RANBP2: variants seen among roughly 807,000 people sequenced by gnomAD.
The protein encoded by RANBP2 is E3 SUMO-protein ligase RanBP2.
In RANBP2, 57 loss-of-function variants were observed where a neutral mutation model predicts 303.6. The observed-to-expected ratio is 0.19, with a 90% CI of 0.15 to 0.23. The LOEUF (loss-of-function observed/expected upper bound fraction) is 0.23. Among genes scored for constraint, RANBP2 ranks in the 10% least tolerant of loss-of-function variants. The pLI is 1.00. For synonymous variants in RANBP2, 1,167 were observed against 1,301.5 expected (o/e 0.90, Z 2.23); for missense variants, 3,138 against 3,780.8 (o/e 0.83, Z 4.46).
the RANBP2 span, among the ~76,000 whole-genome samples, chr2:109,209,883 G>A: frequency 1.3e-5 from 2 of 152,100 alleles, no homozygotes; most frequent in Admixed American, 6.6e-5. Flanking sequence ...CAGTTCAGTG[G>A]CATTAAGTAC....
the RANBP2 span, among the ~76,000 whole-genome samples, chr2:109,195,445 A>G: frequency 1.3e-5 from 2 of 152,344 alleles, no homozygotes; most frequent in East Asian, 3.9e-4. Context: ...CTGAGTGTCA[A>G]CTGTCGAGTG....
chr2:109,276,639 C>T, the RANBP2 span, among the ~76,000 whole-genome samples: 5 of 152,164 alleles, frequency 3.3e-5, no homozygotes, highest in African/African-American at 7.2e-5. Flanking sequence ...TGGGCTAAGG[C>T]GCTGGACAAA....
At chr2:109,544,230 A>G in the RANBP2 span, 2 of 1,612,010 alleles carry the variant, frequency 1.2e-6, no homozygotes, top group Non-Finnish European at 1.7e-6. Flanking sequence ...AAATAACAGC[A>G]AAATCAAAGC....
chr2:109,646,731 C>T, the RANBP2 span, among the ~76,000 whole-genome samples: 1 of 148,582 alleles, frequency 6.7e-6, no homozygotes, highest in Non-Finnish European at 1.5e-5. Context: ...GTCTTGAACT[C>T]CTGACCTCAA....
At chr2:108,936,490 C>A in the RANBP2 span, among the ~76,000 whole-genome samples, 1 of 152,158 alleles carries the variant, frequency 6.6e-6, no homozygotes, top group East Asian at 1.9e-4. Context: ...GGGCTCCCTG[C>A]CCACCCAGCG....
the RANBP2 span, chr2:109,552,403 A>G: frequency 6.6e-6 from 1 of 152,238 alleles, no homozygotes; most frequent in Non-Finnish European, 1.5e-5. Flanking sequence ...AGCCATAGTA[A>G]AAATGTTTAT....
chr2:109,205,465 G>T, the RANBP2 span, among the ~76,000 whole-genome samples: 1 of 152,048 alleles, frequency 6.6e-6, no homozygotes, highest in Admixed American at 6.6e-5. Context: ...GGCCAGGCTG[G>T]TCTTGAACTC....
the RANBP2 span, among the ~76,000 whole-genome samples, chr2:108,828,167 A>G: frequency 6.6e-6 from 1 of 152,202 alleles, no homozygotes. Context: ...ACCAAAATAT[A>G]TTGTAGATAA....
the RANBP2 span, chr2:108,882,920 T>G: frequency 6.6e-6 from 1 of 151,994 alleles, no homozygotes; most frequent in Non-Finnish European, 1.5e-5. Flanking sequence ...AGACCTTGTC[T>G]TCTTTATATA....
the RANBP2 span, among the ~76,000 whole-genome samples, chr2:109,671,834 T>G: frequency 2.6e-5 from 4 of 152,172 alleles, no homozygotes; most frequent in Non-Finnish European, 4.4e-5. Context: ...CTTGGACTTT[T>G]TCAAATTTCA....
the RANBP2 span, among the ~76,000 whole-genome samples, chr2:109,640,664 A>G: frequency 6.6e-6 from 1 of 152,248 alleles, no homozygotes; most frequent in East Asian, 1.9e-4. Context: ...AGCTCCGGAC[A>G]GTGCCTTCCA....
At chr2:109,677,934 C>T in the RANBP2 span, among the ~76,000 whole-genome samples, 13 of 152,186 alleles carry the variant, frequency 8.5e-5, no homozygotes, top group African/African-American at 2.9e-4. Context: ...GATTTGTAGG[C>T]GCTCAAGAAG....
chr2:109,200,630 C>T, the RANBP2 span, among the ~76,000 whole-genome samples: 69 of 152,260 alleles, frequency 4.5e-4, 1 homozygote, highest in Non-Finnish European at 7.8e-4. Flanking sequence ...GAGCTTGTCC[C>T]AGCAGCCTGC....
the RANBP2 span, among the ~76,000 whole-genome samples, chr2:108,940,733 C>G: frequency 6.6e-6 from 1 of 152,244 alleles, no homozygotes. Flanking sequence ...ACGGGGCAGG[C>G]TTCCAGGGGC....
chr2:109,001,800 G>A, the RANBP2 span, among the ~76,000 whole-genome samples: 137 of 152,158 alleles, frequency 9.0e-4, no homozygotes, highest in African/African-American at 2.5e-3. Flanking sequence ...GCGCAATCTC[G>A]GCTCACTGCA....
At chr2:109,170,346 CCTTT>C in the RANBP2 span, among the ~76,000 whole-genome samples, 36 of 148,552 alleles carry the variant, frequency 2.4e-4, no homozygotes, top group Admixed American at 1.8e-3. Flanking sequence ...CTCTCTCTTT[CCTTT>C]CTTTCTTTCT....
chr2:109,508,585 G>A, the RANBP2 span, among the ~76,000 whole-genome samples: 1 of 151,386 alleles, frequency 6.6e-6, no homozygotes, highest in Admixed American at 6.6e-5. Flanking sequence ...CAAATGTGAA[G>A]AAAGAACTCT....
At chr2:109,595,403 A>G in the RANBP2 span, among the ~76,000 whole-genome samples, 2 of 152,184 alleles carry the variant, frequency 1.3e-5, no homozygotes, top group South Asian at 4.1e-4. Context: ...TTTTAACTAC[A>G]CATATACTTC....
chr2:109,618,806 T>C, the RANBP2 span: 3 of 167,026 alleles, frequency 1.8e-5, no homozygotes, highest in African/African-American at 7.2e-5. Context: ...GTTTGTCACA[T>C]TTCACTTTCA....
Sources: allele counts gnomAD v4.1 joint callset (sites outside exome capture counted in the v4.1 genomes callset), GRCh38; gene constraint gnomAD v4.1.1; transcripts MANE v1.5; gene names NCBI Gene and HGNC (gene_info 2026-07-23, HGNC 2026-07-21).